Variants in PCNX1 observed in about 807,000 individuals in gnomAD.
The protein encoded by PCNX1 is pecanex-like protein 1.
PCNX1 carries 78 observed loss-of-function variants against 242.2 expected under a neutral mutation model. That is an observed-to-expected ratio of 0.32 (90% CI 0.27 to 0.39). The LOEUF (loss-of-function observed/expected upper bound fraction) is 0.39, where lower values mean the gene tolerates loss of function less well. Among genes scored for constraint, PCNX1 ranks in the 10% least tolerant of loss-of-function variants. The pLI is 1.00. For missense variants in PCNX1, 2,581 were observed against 2,856.5 expected (o/e 0.90, Z 2.20); for synonymous variants, 1,024 against 1,032.9 (o/e 0.99, Z 0.17).
chr14:71,094,883 A>ATT lies in PCNX1; in HGVS notation c.5589+5542_5589+5543dup, dbSNP rs540100347. ...GAGTTTGAGGTTACAGTGAGCTATG[A>ATT]TTGCATCACTGCACTCCAGCCTGAG... On this transcript the variant is annotated intron_variant, in intron 30 of 35. Coordinates refer to ENST00000304743, the MANE Select transcript of PCNX1 (RefSeq NM_014982.3). 2.2e-3 allele frequency among the ~76,000 whole-genome samples: 332 copies of ATT among 151,586 alleles called. 1 individual carries two copies. The highest frequency in any genetic ancestry group is 7.9e-3 in the African/African-American group (323 of 40,892).
chr14:71,024,819 A>G lies in PCNX1; in HGVS notation c.3184-1298A>G, dbSNP rs188242405. 1.4e-4 allele frequency among the ~76,000 whole-genome samples: 21 copies of G among 152,290 alleles called. 1 individual carries two copies. Among genetic ancestry groups the G allele is most frequent in the South Asian group, 4.1e-4 (2 of 4,828 alleles). On this transcript the variant is annotated intron_variant, in intron 13 of 35. Transcript: ENST00000304743. ...AGATGCTGGTAGCACCACTTCCCCA[A>G]TTGTGACAACAGAAATGTGTCCAGA...
intron 30 of PCNX1, among the ~76,000 whole-genome samples, chr14:71,100,216 T>C (rs1316243270): frequency 6.6e-6 from 1 of 152,194 alleles, no homozygotes; most frequent in Non-Finnish European, 1.5e-5. Flanking sequence ...TTAAGTGTGT[T>C]TTTGTGGTAG....
intron 3 of PCNX1, among the ~76,000 whole-genome samples, chr14:70,966,648 A>C (rs2058387705): frequency 6.6e-6 from 1 of 152,218 alleles, no homozygotes; most frequent in Admixed American, 6.5e-5. Context: ...ATTTTGGAAC[A>C]AAATAGGGAG....
intron 3 of PCNX1, among the ~76,000 whole-genome samples, chr14:70,964,241 G>T (rs1051844900): frequency 6.6e-6 from 1 of 151,858 alleles, no homozygotes. Context: ...TAATTTTTTT[G>T]CATTTTTAGT....
intron 26 of PCNX1, among the ~76,000 whole-genome samples, chr14:71,068,422 GTATATGTA>G (rs1438578904): frequency 2.1e-5 from 3 of 144,450 alleles, no homozygotes; most frequent in Non-Finnish European, 3.1e-5. Flanking sequence ...GTATTTATAT[GTATATGTA>G]TATATGTATG....
In PCNX1 at chr14:71,045,184, A is replaced by G; in HGVS notation, c.3919A>G (p.Thr1307Ala). ...ATTGGTTGGCTTTGTGGGTTTTGTA[A>G]CCCATTATGTGCTGCCTCAAGTTAG... ...YTLVGFVGFV[T>A]HYVLPQVRKQ... Residue 1307 changes from threonine (T) to alanine (A), a missense_variant, in exon 20 of 36, where the codon ACC becomes GCC. Around this residue, in one of 9 missense-constraint regions of PCNX1, gnomAD observed 432 missense variants for 443.1 expected, o/e 0.97. Transcript: ENST00000304743. 1 of 1,613,164 alleles carries G rather than the reference A, an allele frequency of 6.2e-7. No homozygotes were observed. The highest frequency in any genetic ancestry group is 1.1e-5 in the South Asian group (1 of 90,984).
chr14:71,045,256 CTAGAGTA>C lies in PCNX1; in HGVS notation c.3994_4000del (p.Glu1332IlefsTer11). ...TTTCTCTCATCCTCTGCTAAAGACA[CTAGAGTA>C]TAATCAGTATGAAGTTCGAAGTAAG... On this transcript the variant is annotated frameshift_variant, in exon 20 of 36. Coordinates refer to ENST00000304743, the MANE Select transcript of PCNX1 (RefSeq NM_014982.3). LOFTEE classifies it high-confidence loss of function. 6.2e-7 allele frequency: 1 copy of C among 1,611,702 alleles called. No homozygotes were observed. The highest frequency in any genetic ancestry group is 8.5e-7 in the Non-Finnish European group (1 of 1,178,846).
At position 71,035,964 on chromosome 14, in the gene PCNX1, A is replaced by G. The variant is rs375721165; in HGVS notation, c.3775-101A>G. Reference sequence around the variant, plus strand: ...TTCTTTAATACTGACTGAGCTAGCCAGGCAAAAAATTAATTCTTAAACTTT... The same window carrying G: ...TTCTTTAATACTGACTGAGCTAGCCGGGCAAAAAATTAATTCTTAAACTTT... On this transcript the variant is annotated intron_variant, in intron 18 of 35. Coordinates refer to ENST00000304743, the MANE Select transcript of PCNX1 (RefSeq NM_014982.3). 261 of 742,346 alleles carry G rather than the reference A, an allele frequency of 3.5e-4. 2 individuals carry two copies. In the Middle Eastern group the frequency reaches 0.01, roughly 30 times the overall value. 46.0% of individuals were successfully genotyped at this position (742,346 alleles called of 1,614,324 possible). A position where few individuals can be genotyped will look rare whatever the true frequency, so the allele number is the denominator to read the frequency against.
intron 6 of PCNX1, among the ~76,000 whole-genome samples, chr14:70,986,246 G>T (rs1407398628): frequency 6.6e-6 from 1 of 152,144 alleles, no homozygotes; most frequent in African/African-American, 2.4e-5. Context: ...TCAACATTTT[G>T]AAAATTCTTG....
intron 26 of PCNX1, among the ~76,000 whole-genome samples, chr14:71,072,047 A>T (rs933536198): frequency 2.0e-5 from 3 of 152,208 alleles, no homozygotes; most frequent in Non-Finnish European, 2.9e-5. Context: ...GAACACTAAC[A>T]TTAAAGATCA....
rs1294837904 is a variant in PCNX1 at position 71,105,084 on chromosome 14, GTTT to G, written c.6096-146_6096-144del. 4.7e-6 allele frequency: 3 copies of G among 632,172 alleles called. 1 individual carries two copies. In the South Asian group the frequency reaches 5.9e-5, roughly 12 times the overall value. The allele number at this position is 632,172 out of a possible 1,614,324, so 39.2% of individuals were successfully genotyped here. A position where few individuals can be genotyped will look rare whatever the true frequency, so the allele number is the denominator to read the frequency against. On this transcript the variant is annotated intron_variant, in intron 32 of 35. Coordinates refer to ENST00000304743, the MANE Select transcript of PCNX1 (RefSeq NM_014982.3). ...AAGCCACTCTTTGAAAACGTAATGA[GTTT>G]TTTTGTTCCTAATATTGATTGCACC...
At chr14:70,962,059 C>A (rs763611009) in intron 2 of PCNX1, among the ~76,000 whole-genome samples, 167 bp from the exon 3 acceptor site, 1 of 152,014 alleles carries the variant, frequency 6.6e-6, no homozygotes, top group Non-Finnish European at 1.5e-5. Context: ...AAGTATCAGA[C>A]TTGTAAATGA....
chr14:70,922,149 G>C (rs1743341878), intron 1 of PCNX1, among the ~76,000 whole-genome samples: 1 of 152,136 alleles, frequency 6.6e-6, no homozygotes, highest in African/African-American at 2.4e-5. Flanking sequence ...ATGGATAATA[G>C]TACAACTTAT....
intron 16 of PCNX1, among the ~76,000 whole-genome samples, chr14:71,032,637 G>A (rs777460075): frequency 2.0e-4 from 31 of 152,288 alleles, no homozygotes; most frequent in African/African-American, 4.1e-4. Context: ...AAAAACTGCC[G>A]TTTGGGTCCC....
chr14:71,109,013 C>G lies in PCNX1; in HGVS notation c.6711C>G (p.His2237Gln). 1 of 1,613,644 alleles carries G rather than the reference C, an allele frequency of 6.2e-7. No individual in the cohort carries two copies. The highest frequency in any genetic ancestry group is 8.5e-7 in the Non-Finnish European group (1 of 1,179,696). ...GNTLSPANNS[H>Q]SRKAEVIYRV... Reference sequence around the variant, plus strand: ...CCTTAAGTCCTGCCAACAATTCACACTCCAGAAAGGCAGAAGTGATTTACA... The same window carrying G: ...CCTTAAGTCCTGCCAACAATTCACAGTCCAGAAAGGCAGAAGTGATTTACA... Residue 2237 changes from histidine (H) to glutamine (Q), a missense_variant, in exon 34 of 36, where the codon CAC becomes CAG. Coordinates refer to ENST00000304743, the MANE Select transcript of PCNX1 (RefSeq NM_014982.3).
At chr14:71,000,526 ATT>A (rs3083305) in intron 8 of PCNX1, among the ~76,000 whole-genome samples, 239 of 126,636 alleles carry the variant, frequency 1.9e-3, no homozygotes, top group African/African-American at 5.6e-3. Flanking sequence ...CTGTCCCTTG[ATT>A]TTTTTTTTTT....
intron 30 of PCNX1, among the ~76,000 whole-genome samples, chr14:71,099,024 C>A (rs1331512678): frequency 6.6e-6 from 1 of 152,152 alleles, no homozygotes; most frequent in African/African-American, 2.4e-5. Flanking sequence ...GCTTTAACTT[C>A]ATTTCTTTAC....
At position 71,109,038 on chromosome 14, in the gene PCNX1, A is replaced by G; in HGVS notation, c.6736A>G (p.Arg2246Gly). The G allele has an allele frequency of 6.2e-7, 1 of 1,610,432 alleles. No individual in the cohort carries two copies. The highest frequency in any genetic ancestry group is 8.5e-7 in the Non-Finnish European group (1 of 1,177,856). The change falls in exon 34 of 36, where the codon AGA (arginine) becomes GGA (glycine). Residue 2246 changes from arginine to glycine, a missense_variant. By Grantham distance (125) the Arg-to-Gly change is moderately radical. Transcript: ENST00000304743. ...CTCCAGAAAGGCAGAAGTGATTTAC[A>G]GAGTCCAAGTAAGTAAGCCCAGAGG... Reference protein sequence around the residue: ...SHSRKAEVIYRVQIVDPSQIL... With the variant: ...SHSRKAEVIYGVQIVDPSQIL...
At chr14:71,020,559 C>T (rs957377350) in intron 12 of PCNX1, among the ~76,000 whole-genome samples, 14 of 151,934 alleles carry the variant, frequency 9.2e-5, no homozygotes, top group East Asian at 1.9e-4. Context: ...TCATGTTTGT[C>T]GGCCACATAA....
Sources: allele counts gnomAD v4.1 joint callset (sites outside exome capture counted in the v4.1 genomes callset), GRCh38; gene constraint gnomAD v4.1.1; regional missense constraint gnomAD v4.1.1; transcripts MANE v1.5; gene names NCBI Gene and HGNC (gene_info 2026-07-23, HGNC 2026-07-21).